Variants in FNBP1L observed in about 807,000 individuals in gnomAD.
The protein encoded by FNBP1L is formin-binding protein 1-like.
A neutral mutation model predicts 91.2 loss-of-function variants in FNBP1L; 36 were observed. The ratio of observed to expected loss-of-function variants is 0.39; its 90% confidence interval spans 0.30 to 0.52. The LOEUF is 0.52. FNBP1L is among the 20% of genes least tolerant of loss of function. FNBP1L has a pLI of 0.66. For missense variants in FNBP1L, 571 were observed against 732.1 expected (o/e 0.78, Z 2.54); for synonymous variants, 242 against 237.0 (o/e 1.02, Z -0.19).
intron 1 of FNBP1L, among the ~76,000 whole-genome samples, chr1:93,474,069 A>C (rs559207870): frequency 6.6e-6 from 1 of 152,222 alleles, no homozygotes; most frequent in African/African-American, 2.4e-5. Flanking sequence ...ACATCGTGAA[A>C]CGCCATCTCT....
chr1:93,486,074 A>C (rs1417801051), intron 1 of FNBP1L, among the ~76,000 whole-genome samples: 1 of 152,214 alleles, frequency 6.6e-6, no homozygotes, highest in Non-Finnish European at 1.5e-5. Context: ...TGGAACAGGA[A>C]GCTCAGAGAT....
Position 93,553,242 on chromosome 1 carries a change from A to G in FNBP1L, c.*826A>G, listed in dbSNP as rs548221387. ...AAACACAGAAGATATTCACCACCTC[A>G]AGACAAAGGACTATTGTCAAAAGTC... On this transcript the variant is annotated 3_prime_UTR_variant, in exon 17 of 17. Coordinates refer to ENST00000271234, the MANE Select transcript of FNBP1L (RefSeq NM_001164473.3). 39 of 152,782 alleles carry G rather than the reference A, an allele frequency of 2.6e-4. No individual in the cohort carries two copies. Among genetic ancestry groups the G allele is most frequent in the Non-Finnish European group, 5.6e-4 (38 of 68,046 alleles). 9.5% of individuals were successfully genotyped at this position (152,782 alleles called of 1,614,324 possible).
At chr1:93,524,805 C>T (rs1671444332) in intron 5 of FNBP1L, among the ~76,000 whole-genome samples, 1 of 151,686 alleles carries the variant, frequency 6.6e-6, no homozygotes, top group Admixed American at 6.6e-5. Context: ...ATGTTTCTTC[C>T]AGTTCAGTCA....
rs567843039 is a variant in FNBP1L, at chr1:93,552,741, T to A, written c.*325T>A. The A allele has an allele frequency of 4.1e-6, 1 of 246,516 alleles. No individual in the cohort carries two copies. The highest frequency in any genetic ancestry group is 1.6e-4 in the South Asian group (1 of 6,410). 15.3% of individuals were successfully genotyped at this position (246,516 alleles called of 1,614,324 possible). A position where few individuals can be genotyped will look rare whatever the true frequency, so the allele number is the denominator to read the frequency against. On this transcript the variant is annotated 3_prime_UTR_variant, in exon 17 of 17. Coordinates refer to ENST00000271234, the MANE Select transcript of FNBP1L (RefSeq NM_001164473.3). Reference sequence around the variant, plus strand: ...GTCAAAAAATGTGTCTTACATTAGCTGTCCCAACAGGATTGTCTTCCCTCC... The same window carrying A: ...GTCAAAAAATGTGTCTTACATTAGCAGTCCCAACAGGATTGTCTTCCCTCC...
intron 1 of FNBP1L, among the ~76,000 whole-genome samples, chr1:93,473,664 A>G (rs1669386686): frequency 6.6e-6 from 1 of 152,210 alleles, no homozygotes; most frequent in Admixed American, 6.5e-5. Context: ...CTTAACGTGT[A>G]TTTGAACAGA....
At chr1:93,528,989 A>T (rs1428010225) in intron 5 of FNBP1L, among the ~76,000 whole-genome samples, 1 of 152,106 alleles carries the variant, frequency 6.6e-6, no homozygotes, top group African/African-American at 2.4e-5. Context: ...AATAGTTTGA[A>T]TGAAATAAAA....
intron 3 of FNBP1L, among the ~76,000 whole-genome samples, chr1:93,522,997 G>T (rs1671379786): frequency 1.3e-5 from 2 of 152,116 alleles, no homozygotes; most frequent in Admixed American, 1.3e-4. Context: ...AACAGGTTCA[G>T]CTACCAAGCC....
rs982757573 is a variant in FNBP1L at position 93,554,029 on chromosome 1, G to A, written c.*1613G>A. On this transcript the variant is annotated 3_prime_UTR_variant, in exon 17 of 17. Coordinates refer to ENST00000271234, the MANE Select transcript of FNBP1L (RefSeq NM_001164473.3). ...GTTATACTAAAGCTGAATGACAATTGTGTGAAAGTTACTGCCTTCATAAGA... is the reference window on the plus strand; with the variant it reads ...GTTATACTAAAGCTGAATGACAATTATGTGAAAGTTACTGCCTTCATAAGA... 1.3e-5 allele frequency: 2 copies of A among 152,636 alleles called. No individual in the cohort carries two copies. The highest frequency in any genetic ancestry group is 4.8e-5 in the African/African-American group (2 of 41,446). The allele number at this position is 152,636 out of a possible 1,614,324, so 9.5% of individuals were successfully genotyped here.
chr1:93,550,916 T>C (rs1325649120), intron 15 of FNBP1L, 31 bp from the exon 16 acceptor site: 1 of 1,501,416 alleles, frequency 6.7e-7, no homozygotes, highest in Non-Finnish European at 8.9e-7. Flanking sequence ...ATCACAATGC[T>C]TAAATTATGC....
chr1:93,459,532 T>C (rs1668789082), intron 1 of FNBP1L, among the ~76,000 whole-genome samples: 1 of 152,148 alleles, frequency 6.6e-6, no homozygotes, highest in African/African-American at 2.4e-5. Flanking sequence ...GAGATACCAC[T>C]TTACACCTGT....
chr1:93,543,492 G>A (rs1285702863), intron 11 of FNBP1L, among the ~76,000 whole-genome samples: 1 of 152,170 alleles, frequency 6.6e-6, no homozygotes, highest in Non-Finnish European at 1.5e-5. Context: ...TTTCTGCTCA[G>A]TGGATAGTTC....
intron 1 of FNBP1L, among the ~76,000 whole-genome samples, chr1:93,452,720 T>C (rs1277679573): frequency 6.6e-6 from 1 of 152,218 alleles, no homozygotes; most frequent in Non-Finnish European, 1.5e-5. Flanking sequence ...TTGACTTTAA[T>C]TTTACTTCAC....
At chr1:93,498,812 TA>T (rs1670351399) in intron 1 of FNBP1L, among the ~76,000 whole-genome samples, 1 of 152,210 alleles carries the variant, frequency 6.6e-6, no homozygotes. Flanking sequence ...ACATGTTTAA[TA>T]ACATCACCAC....
intron 1 of FNBP1L, among the ~76,000 whole-genome samples, chr1:93,482,149 G>A (rs1464922856): frequency 6.6e-6 from 1 of 152,082 alleles, no homozygotes; most frequent in Admixed American, 6.6e-5. Flanking sequence ...GCAACACAGT[G>A]AGACCCTGTC....
chr1:93,471,799 A>G (rs894786290), intron 1 of FNBP1L, among the ~76,000 whole-genome samples: 1 of 152,190 alleles, frequency 6.6e-6, no homozygotes, highest in African/African-American at 2.4e-5. Context: ...TCTGGCTGGT[A>G]GTCGATAAGT....
At chr1:93,519,701 G>A (rs1312978475) in intron 2 of FNBP1L, among the ~76,000 whole-genome samples, 1 of 152,204 alleles carries the variant, frequency 6.6e-6, no homozygotes, top group Non-Finnish European at 1.5e-5. Flanking sequence ...TGTAATCCCA[G>A]TACTTTGGGA....
intron 2 of FNBP1L, among the ~76,000 whole-genome samples, chr1:93,518,234 T>C (rs532469858): frequency 5.6e-4 from 86 of 152,332 alleles, no homozygotes; most frequent in Middle Eastern, 3.4e-3. Flanking sequence ...TAGAGTCATT[T>C]TATACAACAA....
intron 1 of FNBP1L, among the ~76,000 whole-genome samples, chr1:93,485,436 A>G (rs184987829): frequency 1.5e-3 from 235 of 152,316 alleles, no homozygotes; most frequent in African/African-American, 5.6e-3. Context: ...AGTTTGCTAG[A>G]AGACATAAAA....
intron 1 of FNBP1L, among the ~76,000 whole-genome samples, chr1:93,491,040 A>G (rs901485345): frequency 1.3e-5 from 2 of 152,066 alleles, no homozygotes; most frequent in African/African-American, 4.8e-5. Context: ...CCCAGGCTCA[A>G]GCAATCCTCC....
Sources: gnomAD v4.1 joint callset for allele counts (sites outside exome capture counted in the v4.1 genomes callset) on GRCh38, gnomAD v4.1.1 for gene constraint, MANE v1.5 for transcripts, NCBI Gene and HGNC (gene_info 2026-07-23, HGNC 2026-07-21) for gene names.